Variants in FBXL13 observed in about 807,000 individuals in gnomAD.
FBXL13 encodes the protein F-box and leucine-rich repeat protein 13.
In FBXL13, 67 loss-of-function variants were observed where a neutral mutation model predicts 83.6. The observed-to-expected ratio is 0.80, with a 90% confidence interval of 0.66 to 0.98. FBXL13 has a LOEUF of 0.98. Ranked by LOEUF, FBXL13 falls within the 50% of genes least tolerant of loss-of-function variation. The pLI is 0.00. For synonymous variants in FBXL13, 272 were observed against 299.5 expected, an observed-to-expected ratio of 0.91 and a Z score of 0.95; for missense variants, 822 against 866.5, an observed-to-expected ratio of 0.95 and a Z score of 0.64.
intron 18 of FBXL13, among the ~76,000 whole-genome samples, chr7:102,825,527 A>G (rs1799475667): frequency 6.6e-6 from 1 of 152,174 alleles, no homozygotes; most frequent in African/African-American, 2.4e-5. Flanking sequence ...GTTCTTATAA[A>G]TTACCCAGTT....
At chr7:102,926,194 C>T in intron 10 of FBXL13, 80 bp downstream of exon 11, 1 of 1,169,696 alleles carries the variant, frequency 8.5e-7, no homozygotes, top group South Asian at 1.4e-5. Context: ...GGGAGCACTG[C>T]CCTTGCAGAA....
rs146947273 is a variant in FBXL13, at chr7:102,970,639, G to A, written c.496-2522C>T. Among the ~76,000 whole-genome samples the A allele has an allele frequency of 4.8e-3, 725 of 152,196 alleles. 5 individuals are homozygous for A. The highest frequency in any genetic ancestry group is 0.016 in the African/African-American group (675 of 41,528). On this transcript the variant is annotated intron_variant, in intron 6 of 19. Transcript: ENST00000313221. ...CCCAATCAAAAACTGCAAAACACACGAGGAAAAGGAAGTCCAACAAGATTC... is the reference window on the plus strand; with the variant it reads ...CCCAATCAAAAACTGCAAAACACACAAGGAAAAGGAAGTCCAACAAGATTC...
At chr7:102,967,978 T>G (rs1826177436) in intron 7 of FBXL13, 44 bp downstream of exon 8, 3 of 1,460,806 alleles carry the variant, frequency 2.1e-6, no homozygotes, top group Non-Finnish European at 2.9e-6. Flanking sequence ...CCATTCTCCT[T>G]TAAGAACTAG....
intron 2 of FBXL13, among the ~76,000 whole-genome samples, chr7:103,050,904 T>C (rs1028139421): frequency 2.6e-5 from 4 of 152,216 alleles, no homozygotes; most frequent in Admixed American, 1.3e-4. Context: ...TAACATCCCA[T>C]AGCGCCAAAC....
At chr7:102,923,170 G>T (rs554158196) in intron 10 of FBXL13, among the ~76,000 whole-genome samples, 1 of 152,290 alleles carries the variant, frequency 6.6e-6, no homozygotes, top group East Asian at 1.9e-4. Flanking sequence ...AGTATTGAGA[G>T]AATATTTCCT....
At chr7:102,939,576 A>G in intron 8 of FBXL13, 1 of 1,613,260 alleles carries the variant, frequency 6.2e-7, no homozygotes, top group Non-Finnish European at 8.5e-7. Context: ...CATTGAATTC[A>G]TCGATCCTGG....
rs1198949510 is a variant in FBXL13 at position 103,029,988 on chromosome 7, ATTCT to A, written c.1-574_1-571del. ...CTGAAATCATCTATACCTTCTGTGC[ATTCT>A]TTAATAAGTAAAGATATTATTATAT... is the stretch of plus-strand genomic sequence containing the variant. On this transcript the variant is annotated intron_variant, in intron 2 of 19. Coordinates refer to ENST00000313221, the Ensembl canonical transcript of FBXL13. 9 of 152,344 alleles carry A rather than the reference ATTCT, an allele frequency of 5.9e-5. 1 individual carries two copies. Among genetic ancestry groups the A allele is most frequent in the Admixed American group, 2.0e-4 (3 of 15,306 alleles). 9.4% of individuals were successfully genotyped at this position (152,344 alleles called of 1,614,324 possible). A position where few individuals can be genotyped will look rare whatever the true frequency, so the allele number is the denominator to read the frequency against.
rs531423020 is a variant in FBXL13, at chr7:103,055,057, T to G, written c.-1+587A>C. The G allele has an allele frequency of 7.7e-6, 9 of 1,162,872 alleles. No individual in the cohort carries two copies. The African/African-American group carries it at 1.4e-4, about 19-fold the overall frequency. 72.0% of individuals were successfully genotyped at this position (1,162,872 alleles called of 1,614,324 possible). A position where few individuals can be genotyped will look rare whatever the true frequency, so the allele number is the denominator to read the frequency against. On this transcript the variant is annotated intron_variant, in intron 2 of 19. Transcript: ENST00000313221. Reference sequence around the variant, plus strand: ...AAATTCCATCGAAGTTTAAAATATATATTTGCGTATTCTTGATTACTAATA... The same window carrying G: ...AAATTCCATCGAAGTTTAAAATATAGATTTGCGTATTCTTGATTACTAATA...
chr7:102,893,911 G>A (rs1811881985), intron 11 of FBXL13, among the ~76,000 whole-genome samples: 1 of 143,550 alleles, frequency 7.0e-6, no homozygotes, highest in Non-Finnish European at 1.5e-5. Flanking sequence ...GGGAGGGAGG[G>A]GAAAGAAAGA....
chr7:102,963,443 GAA>G lies in FBXL13; in HGVS notation c.724+88_724+89del, dbSNP rs530553366. The stretch of plus-strand genomic sequence containing the variant: ...ATCCTTATGACCTAAAACTGTCACT[GAA>G]GTTTCCTTTTTAATCTATGCTTTTC... On this transcript the variant is annotated intron_variant, in intron 8 of 19. Transcript: ENST00000313221. 611 of 1,501,772 alleles carry G rather than the reference GAA, an allele frequency of 4.1e-4. 11 individuals are homozygous for G. In the South Asian group the frequency reaches 7.2e-3, roughly 18 times the overall value. The allele number at this position is 1,501,772 out of a possible 1,614,324, so 93.0% of individuals were successfully genotyped here.
chr7:102,996,855 T>C (rs1313883754), intron 6 of FBXL13, among the ~76,000 whole-genome samples: 3 of 152,208 alleles, frequency 2.0e-5, no homozygotes, highest in Non-Finnish European at 2.9e-5. Flanking sequence ...TTCATTTTTA[T>C]TGGTATTGTG....
chr7:102,949,679 C>T (rs1174438467), intron 8 of FBXL13, among the ~76,000 whole-genome samples: 1 of 152,122 alleles, frequency 6.6e-6, no homozygotes, highest in African/African-American at 2.4e-5. Flanking sequence ...AAGAAGTACA[C>T]TTCCAGAAAA....
intron 17 of FBXL13, among the ~76,000 whole-genome samples, chr7:102,839,733 A>T (rs1802603712): frequency 6.6e-6 from 1 of 152,234 alleles, no homozygotes; most frequent in South Asian, 2.1e-4. Flanking sequence ...CATGTGAGCC[A>T]CTGTGCCTGG....
At position 103,007,693 on chromosome 7, in the gene FBXL13, T is replaced by A. The variant is rs973985999; in HGVS notation, c.495+17370A>T. 2.0e-5 allele frequency among the ~76,000 whole-genome samples: 3 copies of A among 152,272 alleles called. No individual in the cohort carries two copies. In the South Asian group the frequency reaches 6.2e-4, roughly 32 times the overall value. The stretch of plus-strand genomic sequence containing the variant: ...AACAAGTTTTTCTGGGGTTTTAATT[T>A]CTTTAAAAAATAATTGAACCCCTTC... On this transcript the variant is annotated intron_variant, in intron 6 of 19. Coordinates refer to ENST00000313221, the Ensembl canonical transcript of FBXL13.
intron 6 of FBXL13, among the ~76,000 whole-genome samples, chr7:102,972,937 T>C (rs1477621140): frequency 7.3e-6 from 1 of 136,758 alleles, no homozygotes; most frequent in Non-Finnish European, 1.7e-5. Context: ...TGACAAATAA[T>C]AATTAAAATG....
At chr7:103,051,684 G>GC (rs1796832145) in intron 2 of FBXL13, among the ~76,000 whole-genome samples, 1 of 152,190 alleles carries the variant, frequency 6.6e-6, no homozygotes, top group Admixed American at 6.5e-5. Flanking sequence ...AAGTCAGGTA[G>GC]CCCCCAGAAT....
At chr7:102,987,383 A>G (rs758727532) in intron 6 of FBXL13, among the ~76,000 whole-genome samples, 2 of 152,182 alleles carry the variant, frequency 1.3e-5, no homozygotes, top group Non-Finnish European at 2.9e-5. Context: ...CTTATACAGT[A>G]GGCCAAACTC....
chr7:103,029,295 A>G, intron 3 of FBXL13, 56 bp downstream of exon 4: 1 of 1,095,786 alleles, frequency 9.1e-7, no homozygotes, highest in Non-Finnish European at 1.3e-6. Context: ...CTTTGCACGG[A>G]GAATATCAAG....
At position 102,982,197 on chromosome 7, in the gene FBXL13, T is replaced by C. The variant is rs576720739; in HGVS notation, c.496-14080A>G. Among the ~76,000 whole-genome samples the C allele has an allele frequency of 3.9e-5, 6 of 152,296 alleles. No individual in the cohort carries two copies. In the East Asian group the frequency reaches 9.7e-4, roughly 25 times the overall value. Reference sequence around the variant, plus strand: ...AGTGGTTGGGTGGCAGTCTTAACTTTTAGTTCGATAGAACTATCATTGTGC... The same window carrying C: ...AGTGGTTGGGTGGCAGTCTTAACTTCTAGTTCGATAGAACTATCATTGTGC... On this transcript the variant is annotated intron_variant, in intron 6 of 19. Coordinates refer to ENST00000313221, the Ensembl canonical transcript of FBXL13.
Sources: allele counts gnomAD v4.1 joint callset (sites outside exome capture counted in the v4.1 genomes callset), GRCh38; gene constraint gnomAD v4.1.1; transcripts MANE v1.5; gene names NCBI Gene and HGNC (gene_info 2026-07-23, HGNC 2026-07-21).